EPN2: variants seen among roughly 807,000 people sequenced by gnomAD.
EPN2 encodes the protein epsin-2.
Under a neutral mutation model 61.7 loss-of-function variants are expected in EPN2, and 34 were observed. That is an observed-to-expected ratio of 0.55 (90% CI 0.42 to 0.73). The LOEUF (loss-of-function observed/expected upper bound fraction) is 0.73. EPN2 is among the 30% of genes least tolerant of loss of function. EPN2 has a pLI of 0.00. For missense variants in EPN2, 714 were observed against 839.2 expected (o/e 0.85, Z 1.84); for synonymous variants, 349 against 353.6 (o/e 0.99, Z 0.15).
intron 4 of EPN2, among the ~76,000 whole-genome samples, chr17:19,300,754 G>A (rs1333996927): frequency 1.3e-5 from 2 of 152,158 alleles, no homozygotes; most frequent in African/African-American, 2.4e-5. Flanking sequence ...AGGCCTTCCT[G>A]GAACTGGGAT....
chr17:19,237,704 C>T (rs1343226565), intron 1 of EPN2, among the ~76,000 whole-genome samples, 173 bp downstream of exon 1: 1 of 152,098 alleles, frequency 6.6e-6, no homozygotes, highest in Non-Finnish European at 1.5e-5. Flanking sequence ...TGGGGGATCC[C>T]CTTCTTTCCA....
intron 4 of EPN2, among the ~76,000 whole-genome samples, chr17:19,298,293 C>G (rs1174368633): frequency 6.6e-6 from 1 of 152,220 alleles, no homozygotes; most frequent in African/African-American, 2.4e-5. Flanking sequence ...CCCCCAGGTT[C>G]AAGTGATTCT....
intron 9 of EPN2, among the ~76,000 whole-genome samples, chr17:19,331,158 C>T (rs2152240526): frequency 6.6e-6 from 1 of 152,334 alleles, no homozygotes; most frequent in Non-Finnish European, 1.5e-5. Flanking sequence ...TATAATCTCT[C>T]TTTATATGGC....
intron 1 of EPN2, among the ~76,000 whole-genome samples, chr17:19,245,949 G>A (rs759954293): frequency 2.0e-5 from 3 of 152,080 alleles, no homozygotes; most frequent in Non-Finnish European, 4.4e-5. Flanking sequence ...ACAGGCGTGA[G>A]CCACCATGCC....
intron 7 of EPN2, among the ~76,000 whole-genome samples, chr17:19,322,917 C>G (rs1457117078): frequency 6.6e-6 from 1 of 152,120 alleles, no homozygotes; most frequent in African/African-American, 2.4e-5. Flanking sequence ...AGCAGCAGAG[C>G]TGGGGCTTTT....
intron 10 of EPN2, among the ~76,000 whole-genome samples, chr17:19,333,504 G>T (rs1907255759): frequency 6.6e-6 from 1 of 152,200 alleles, no homozygotes; most frequent in Admixed American, 6.5e-5. Context: ...CTTCTTGACT[G>T]CAGGATTTCT....
chr17:19,270,434 A>G (rs1597983805), intron 1 of EPN2, among the ~76,000 whole-genome samples: 1 of 152,108 alleles, frequency 6.6e-6, no homozygotes, highest in Admixed American at 6.5e-5. Flanking sequence ...CTGGTAGGTG[A>G]TTCCCACCCA....
In EPN2 at chr17:19,331,883, A is replaced by C. The variant is rs750478398; in HGVS notation, c.1442A>C (p.Asn481Thr). 6.2e-7 allele frequency: 1 copy of C among 1,614,104 alleles called. No individual in the cohort carries two copies. Among genetic ancestry groups the C allele is most frequent in the Admixed American group, 1.7e-5 (1 of 60,010 alleles). ...TCTGTGACCTCTCTGCCATCCCAAA[A>C]CAATGGAACTACCAGCCCTGACCCC... ...AESVTSLPSQ[N>T]NGTTSPDPFE... Residue 481 changes from asparagine (N) to threonine (T), a missense_variant, in exon 10 of 11, where the codon AAC becomes ACC. Around this residue, in one of 2 missense-constraint regions of EPN2, gnomAD observed 410 missense variants for 421.8 expected, o/e 0.97. Transcript: ENST00000314728.
chr17:19,333,952 C>G lies in EPN2; in HGVS notation c.1628-4C>G. The G allele has an allele frequency of 1.3e-6, 2 of 1,532,922 alleles. No individual in the cohort carries two copies. Among genetic ancestry groups the G allele is most frequent in the Non-Finnish European group, 1.8e-6 (2 of 1,135,014 alleles). The allele number at this position is 1,532,922 out of a possible 1,614,324, so 95.0% of individuals were successfully genotyped here. On this transcript the variant is annotated splice_polypyrimidine_tract_variant and splice_region_variant and intron_variant, in intron 10 of 10. Coordinates refer to ENST00000314728, the MANE Select transcript of EPN2 (RefSeq NM_014964.5). ...AGCCTCTGCCCCTCCTTCTGTCTCC[C>G]CAGGTGCTCCCGCCACCTCGGCCCC...
At chr17:19,284,332 T>C (rs988471358) in intron 3 of EPN2, among the ~76,000 whole-genome samples, 14 of 152,226 alleles carry the variant, frequency 9.2e-5, no homozygotes, top group African/African-American at 2.9e-4. Context: ...TTTGGGTCTT[T>C]GCCTTATGGT....
chr17:19,259,432 C>T (rs1242425216), intron 1 of EPN2, among the ~76,000 whole-genome samples: 1 of 151,478 alleles, frequency 6.6e-6, no homozygotes, highest in Non-Finnish European at 1.5e-5. Flanking sequence ...CCTGCCTCAG[C>T]CTCCTGAGTA....
chr17:19,326,520 C>A (rs759975003), intron 7 of EPN2, among the ~76,000 whole-genome samples: 10 of 151,726 alleles, frequency 6.6e-5, no homozygotes, highest in Middle Eastern at 3.2e-3. Context: ...CCCCGTCTCT[C>A]CTAAAAAATA....
intron 4 of EPN2, among the ~76,000 whole-genome samples, chr17:19,306,480 A>G (rs966165263): frequency 6.6e-6 from 1 of 152,212 alleles, no homozygotes; most frequent in Non-Finnish European, 1.5e-5. Flanking sequence ...GGGAATACCC[A>G]TTGTCTTTAA....
intron 2 of EPN2, chr17:19,282,348 T>C (rs2045366485): frequency 6.6e-6 from 1 of 152,168 alleles, no homozygotes. Flanking sequence ...TCAAGGAGAA[T>C]TTTCTGGACA....
chr17:19,253,168 C>G (rs897387234), intron 1 of EPN2, among the ~76,000 whole-genome samples: 2 of 152,192 alleles, frequency 1.3e-5, no homozygotes, highest in South Asian at 4.1e-4. Context: ...AACCTACTTT[C>G]TGTCTCTATG....
At position 19,313,338 on chromosome 17, in the gene EPN2, A is replaced by G; in HGVS notation, c.1147+59A>G. The G allele has an allele frequency of 4.8e-6, 7 of 1,451,142 alleles. No homozygotes were observed. The South Asian group carries it at 9.8e-5, about 20-fold the overall frequency. 89.9% of individuals were successfully genotyped at this position (1,451,142 alleles called of 1,614,324 possible). A position where few individuals can be genotyped will look rare whatever the true frequency, so the allele number is the denominator to read the frequency against. On this transcript the variant is annotated intron_variant, in intron 7 of 10. Transcript: ENST00000314728. ...CTGCTGGATGGGTGAGGGGCAGGGC[A>G]GTGCTTCTTGCTGTCTCTCACCCAC...
intron 4 of EPN2, among the ~76,000 whole-genome samples, chr17:19,308,854 C>T (rs1414863288): frequency 1.3e-5 from 2 of 152,172 alleles, no homozygotes; most frequent in Non-Finnish European, 2.9e-5. Flanking sequence ...AGCCCCAGCA[C>T]CCAGCACCAT....
chr17:19,299,445 C>G (rs1360372507), intron 4 of EPN2, among the ~76,000 whole-genome samples: 1 of 152,212 alleles, frequency 6.6e-6, no homozygotes, highest in Non-Finnish European at 1.5e-5. Flanking sequence ...ACTGCTGGTC[C>G]CCAGCCATGA....
chr17:19,310,365 G>A (rs767447348), intron 5 of EPN2, among the ~76,000 whole-genome samples: 2 of 152,272 alleles, frequency 1.3e-5, no homozygotes, highest in Non-Finnish European at 2.9e-5. Flanking sequence ...AGGGATGCAG[G>A]CCTGAGGGGC....
Sources: gnomAD v4.1 joint callset for allele counts (sites outside exome capture counted in the v4.1 genomes callset) on GRCh38, gnomAD v4.1.1 for gene constraint, gnomAD v4.1.1 regional missense constraint, MANE v1.5 for transcripts, NCBI Gene and HGNC (gene_info 2026-07-23, HGNC 2026-07-21) for gene names.